ZNF292: variants seen among roughly 807,000 people sequenced by gnomAD.
ZNF292 encodes zinc finger protein 292, also known as 16 zinc-finger domain protein.
A neutral mutation model predicts 217.9 loss-of-function variants in ZNF292; 26 were observed. The ratio of observed to expected loss-of-function variants is 0.12; its 90% confidence interval spans 0.09 to 0.17. The LOEUF is 0.17. Among genes scored for constraint, ZNF292 ranks in the 10% least tolerant of loss-of-function variants. The pLI, the probability that ZNF292 is intolerant of heterozygous loss-of-function variation, is 1.00. For missense variants in ZNF292, 2,904 were observed against 3,175.2 expected (o/e 0.91, Z 2.05); for synonymous variants, 1,257 against 1,124.1 (o/e 1.12, Z -2.37).
At chr6:87,164,785 T>C (rs1460557049) in intron 1 of ZNF292, among the ~76,000 whole-genome samples, 2 of 139,224 alleles carry the variant, frequency 1.4e-5, no homozygotes, top group African/African-American at 2.8e-5. Context: ...TTTTTTGATA[T>C]GGAGTCTTGC....
intron 3 of ZNF292, 30 bp downstream of exon 3, chr6:87,216,407 A>T (rs1454139017): frequency 2.1e-5 from 31 of 1,471,202 alleles, no homozygotes; most frequent in Non-Finnish European, 2.8e-5. Flanking sequence ...GATTTAATAC[A>T]GGTATATCTT....
At chr6:87,194,373 T>C (rs1411186469) in intron 1 of ZNF292, among the ~76,000 whole-genome samples, 1 of 151,812 alleles carries the variant, frequency 6.6e-6, no homozygotes, top group Non-Finnish European at 1.5e-5. Flanking sequence ...GAAAAAAAAG[T>C]TCAAATTAAT....
Position 87,255,639 on chromosome 6 carries a change from T to A in ZNF292, c.2010T>A (p.Ile670=). The A allele has an allele frequency of 6.2e-7, 1 of 1,613,022 alleles. No individual in the cohort carries two copies. Among genetic ancestry groups the A allele is most frequent in the Non-Finnish European group, 8.5e-7 (1 of 1,179,430 alleles). ...DKDKSYEPEV[I]PVQKPVPVNE... The stretch of plus-strand genomic sequence containing the variant: ...ATAAATCCTATGAGCCAGAAGTGAT[T>A]CCAGTCCAGAAACCAGTACCTGTTA... The change falls in exon 8 of 8, where the codon ATT becomes ATA. Residue 670 remains isoleucine (I), a synonymous_variant. Coordinates refer to ENST00000369577, the MANE Select transcript of ZNF292 (RefSeq NM_015021.3).
intron 1 of ZNF292, among the ~76,000 whole-genome samples, chr6:87,206,330 C>G (rs1056051020): frequency 1.8e-5 from 2 of 111,294 alleles, no homozygotes; most frequent in Non-Finnish European, 3.5e-5. Flanking sequence ...CACTTCCCAC[C>G]CTCAGTACTT....
intron 1 of ZNF292, among the ~76,000 whole-genome samples, chr6:87,186,725 T>G (rs559855478): frequency 6.6e-6 from 1 of 152,092 alleles, no homozygotes; most frequent in Non-Finnish European, 1.5e-5. Flanking sequence ...GCCTGGGCGA[T>G]AGAACAAGAC....
chr6:87,235,906 C>T (rs1242179154), intron 5 of ZNF292, among the ~76,000 whole-genome samples: 1 of 152,184 alleles, frequency 6.6e-6, no homozygotes, highest in Non-Finnish European at 1.5e-5. Flanking sequence ...TTACATAGCA[C>T]TACACATATA....
intron 6 of ZNF292, among the ~76,000 whole-genome samples, chr6:87,244,001 A>G (rs1022147722): frequency 1.3e-5 from 2 of 152,198 alleles, no homozygotes; most frequent in Admixed American, 1.3e-4. Flanking sequence ...GCTACAGGAA[A>G]CAGAGATCTT....
intron 1 of ZNF292, among the ~76,000 whole-genome samples, chr6:87,214,538 C>A (rs763055149): frequency 6.6e-6 from 1 of 152,012 alleles, no homozygotes; most frequent in African/African-American, 2.4e-5. Flanking sequence ...CTGAGAAACA[C>A]GTTTTTCCAC....
chr6:87,248,313 T>C (rs549416712), intron 7 of ZNF292, among the ~76,000 whole-genome samples: 10 of 152,380 alleles, frequency 6.6e-5, no homozygotes, highest in Admixed American at 4.6e-4. Flanking sequence ...CTTAGATGTA[T>C]CTTCATTTTT....
At chr6:87,179,025 A>C (rs1771385972) in intron 1 of ZNF292, among the ~76,000 whole-genome samples, 1 of 152,172 alleles carries the variant, frequency 6.6e-6, no homozygotes, top group African/African-American at 2.4e-5. Flanking sequence ...TTAAAGGTTG[A>C]ATAATACATA....
At chr6:87,232,367 A>G (rs1773697966) in intron 4 of ZNF292, among the ~76,000 whole-genome samples, 1 of 152,092 alleles carries the variant, frequency 6.6e-6, no homozygotes, top group South Asian at 2.1e-4. Context: ...TACTTACCAG[A>G]TGTATCTTTC....
At position 87,256,144 on chromosome 6, in the gene ZNF292, C is replaced by A. The variant is rs1298132382; in HGVS notation, c.2515C>A (p.Leu839Met). 1 of 1,613,736 alleles carries A rather than the reference C, an allele frequency of 6.2e-7. No homozygotes were observed. Among genetic ancestry groups the A allele is most frequent in the Non-Finnish European group, 8.5e-7 (1 of 1,179,804 alleles). Residue 839 changes from leucine (L) to methionine (M), a missense_variant, in exon 8 of 8, where the codon CTG becomes ATG. By Grantham distance (15) the Leu-to-Met change is conservative (BLOSUM62 2). Transcript: ENST00000369577. ...DDHSTPPEKV[L>M]PPEAQLNSSG... ...TCACAGTACTCCTCCTGAAAAAGTG[C>A]TGCCTCCTGAAGCCCAACTTAATTC... is the stretch of plus-strand genomic sequence containing the variant.
At position 87,259,250 on chromosome 6, in the gene ZNF292, T is replaced by A; in HGVS notation, c.5621T>A (p.Val1874Asp). The A allele has an allele frequency of 1.2e-6, 2 of 1,613,688 alleles. No homozygotes were observed. Among genetic ancestry groups the A allele is most frequent in the East Asian group, 4.5e-5 (2 of 44,864 alleles). ...NTSVTLTPTP[V>D]KSTADITVIQ... ...TCAGTGACACTGACTCCCACGCCTG[T>A]TAAATCAACTGCAGATATCACAGTT... Residue 1874 changes from valine to aspartate, a missense_variant, in exon 8 of 8, where the codon GTT becomes GAT. By Grantham distance (152) the Val-to-Asp change is radical. This residue lies in a region of ZNF292 where 622 missense variants were observed against 573.1 expected (regional missense o/e 1.09). Coordinates refer to ENST00000369577, the MANE Select transcript of ZNF292 (RefSeq NM_015021.3).
chr6:87,172,544 G>A (rs1178797354), intron 1 of ZNF292, among the ~76,000 whole-genome samples: 1 of 151,982 alleles, frequency 6.6e-6, no homozygotes, highest in Non-Finnish European at 1.5e-5. Flanking sequence ...TTAAACAATA[G>A]AAGTACTATA....
intron 1 of ZNF292, among the ~76,000 whole-genome samples, chr6:87,188,398 T>A (rs891761247): frequency 1.3e-5 from 2 of 152,162 alleles, no homozygotes; most frequent in African/African-American, 4.8e-5. Context: ...AGAAATCCCT[T>A]ACTGTCTTCC....
chr6:87,231,211 G>A (rs1773637437), intron 4 of ZNF292, among the ~76,000 whole-genome samples: 1 of 152,106 alleles, frequency 6.6e-6, no homozygotes, highest in Non-Finnish European at 1.5e-5. Context: ...TGATCCATTT[G>A]AATCATGAAC....
chr6:87,215,877 AC>A, intron 1 of ZNF292, 25 bp from the exon 2 acceptor site: 2 of 1,541,512 alleles, frequency 1.3e-6, no homozygotes, highest in Non-Finnish European at 1.7e-6. Context: ...CATTTTGAAT[AC>A]TTTTTATTAT....
intron 5 of ZNF292, among the ~76,000 whole-genome samples, chr6:87,233,827 G>A (rs1342612368): frequency 6.6e-6 from 1 of 152,070 alleles, no homozygotes. Flanking sequence ...TCAGCTTTTG[G>A]CCTTAACTTC....
chr6:87,256,211 C>T lies in ZNF292; in HGVS notation c.2582C>T (p.Thr861Ile). ...CAGCCTTCTGAAGTGAATCAGAACA[C>T]AGCAGAGAATATTGAGAAAGAAAGA... is the stretch of plus-strand genomic sequence containing the variant. ...SIQPSEVNQN[T>I]AENIEKERSM... Residue 861 changes from threonine (T) to isoleucine (I), a missense_variant, in exon 8 of 8, where the codon ACA (threonine) becomes ATA (isoleucine). Transcript: ENST00000369577. The T allele has an allele frequency of 1.9e-6, 3 of 1,613,862 alleles. No homozygotes were observed. Among genetic ancestry groups the T allele is most frequent in the Non-Finnish European group, 2.5e-6 (3 of 1,179,836 alleles).
Sources: allele counts gnomAD v4.1 joint callset (sites outside exome capture counted in the v4.1 genomes callset), GRCh38; gene constraint gnomAD v4.1.1; regional missense constraint gnomAD v4.1.1; transcripts MANE v1.5; gene names NCBI Gene and HGNC (gene_info 2026-07-23, HGNC 2026-07-21).